Variants in NBAS observed in about 807,000 individuals in gnomAD.
NBAS encodes NBAS subunit of NRZ tethering complex.
A neutral mutation model predicts 302.5 loss-of-function variants in NBAS; 219 were observed. The observed-to-expected ratio is 0.72, with a 90% CI of 0.65 to 0.81. The LOEUF is 0.81. Ranked by LOEUF, NBAS falls within the 30% of genes least tolerant of loss-of-function variation. NBAS has a pLI of 0.00. For synonymous variants in NBAS, 1,118 were observed against 1,021.6 expected, an observed-to-expected ratio of 1.09 and a Z score of -1.80; for missense variants, 2,932 against 2,841.6, an observed-to-expected ratio of 1.03 and a Z score of -0.72.
chr2:15,557,028 G>C lies in NBAS; in HGVS notation c.173-209C>G, dbSNP rs143993755. Among the ~76,000 whole-genome samples the C allele has an allele frequency of 3.1e-3, 469 of 152,040 alleles. 4 individuals are homozygous for C. Among genetic ancestry groups the C allele is most frequent in the African/African-American group, 0.011 (442 of 41,486 alleles). On this transcript the variant is annotated intron_variant, in intron 2 of 51. Coordinates refer to ENST00000281513, the MANE Select transcript of NBAS (RefSeq NM_015909.4). Reference sequence around the variant, plus strand: ...CATATACTTATTAAATTCCATGTTTGTGTGTTATTCAAAAGTTTCAAGTAT... The same window carrying C: ...CATATACTTATTAAATTCCATGTTTCTGTGTTATTCAAAAGTTTCAAGTAT...
chr2:15,086,423 C>T, the NBAS span, among the ~76,000 whole-genome samples: 1 of 152,174 alleles, frequency 6.6e-6, no homozygotes, highest in Non-Finnish European at 1.5e-5. Context: ...TCTTCCTGGT[C>T]GCAGGACAAG....
At position 15,166,959 on chromosome 2, in the gene NBAS, G is replaced by A. The variant is rs1385324207; in HGVS notation, c.*89C>T. ...ATTTGCAATTTGTTGGAACCATGGA[G>A]AACAATCGGCAGATACACATGTTGC... On this transcript the variant is annotated 3_prime_UTR_variant, in exon 52 of 52. Coordinates refer to ENST00000281513, the MANE Select transcript of NBAS (RefSeq NM_015909.4). 1.7e-5 allele frequency: 24 copies of A among 1,445,520 alleles called. No individual in the cohort carries two copies. Among genetic ancestry groups the A allele is most frequent in the South Asian group, 7.7e-5 (5 of 65,004 alleles). The allele number at this position is 1,445,520 out of a possible 1,614,324, so 89.5% of individuals were successfully genotyped here. A position where few individuals can be genotyped will look rare whatever the true frequency, so the allele number is the denominator to read the frequency against.
At chr2:15,181,382 C>G (rs1664810758) in intron 50 of NBAS, among the ~76,000 whole-genome samples, 3 of 152,312 alleles carry the variant, frequency 2.0e-5, no homozygotes, top group Non-Finnish European at 2.9e-5. Flanking sequence ...GAGCCACTGA[C>G]TACTTTTCAT....
chr2:15,366,263 C>T (rs1674191913), intron 32 of NBAS, among the ~76,000 whole-genome samples: 2 of 152,162 alleles, frequency 1.3e-5, no homozygotes, highest in African/African-American at 4.8e-5. Flanking sequence ...ACTACACAAC[C>T]ATTTTGAGGC....
chr2:15,167,513 C>T (rs961092417), intron 51 of NBAS, among the ~76,000 whole-genome samples, 190 bp from the exon 52 acceptor site: 2 of 152,160 alleles, frequency 1.3e-5, no homozygotes, highest in African/African-American at 4.8e-5. Context: ...CTCCTCTTAA[C>T]ATAAGAAGAC....
chr2:15,287,600 T>C (rs974760670), intron 41 of NBAS, among the ~76,000 whole-genome samples: 1 of 152,072 alleles, frequency 6.6e-6, no homozygotes, highest in Non-Finnish European at 1.5e-5. Flanking sequence ...TGCGTGGGCA[T>C]CTCCCAGTAG....
chr2:15,126,735 G>C, the NBAS span, among the ~76,000 whole-genome samples: 1 of 152,302 alleles, frequency 6.6e-6, no homozygotes, highest in African/African-American at 2.4e-5. Context: ...AGGAGGGACA[G>C]GTGGCCATGG....
At chr2:14,807,145 G>GC in the NBAS span, among the ~76,000 whole-genome samples, 1 of 152,076 alleles carries the variant, frequency 6.6e-6, no homozygotes, top group African/African-American at 2.4e-5. Context: ...AATATCAGGG[G>GC]GGGGTTCACA....
intron 5 of NBAS, among the ~76,000 whole-genome samples, chr2:15,552,595 T>C (rs1041692976): frequency 2.6e-5 from 4 of 152,190 alleles, no homozygotes; most frequent in Non-Finnish European, 5.9e-5. Context: ...TTGCTATTTC[T>C]TTCATAACTG....
At chr2:15,149,974 C>T in the NBAS span, among the ~76,000 whole-genome samples, 1 of 150,900 alleles carries the variant, frequency 6.6e-6, no homozygotes, top group Admixed American at 6.6e-5. Flanking sequence ...CTTTGAGAGG[C>T]CAAGGTGGGA....
At chr2:14,979,828 T>G in the NBAS span, among the ~76,000 whole-genome samples, 9 of 152,142 alleles carry the variant, frequency 5.9e-5, no homozygotes, top group South Asian at 2.1e-4. Flanking sequence ...TCCTGGTTAG[T>G]GCGTTAGGAA....
At chr2:15,388,968 G>A (rs1023079006) in intron 28 of NBAS, among the ~76,000 whole-genome samples, 1 of 151,936 alleles carries the variant, frequency 6.6e-6, no homozygotes, top group African/African-American at 2.4e-5. Flanking sequence ...TTTGAAGGGG[G>A]GTAACTTATA....
intron 44 of NBAS, among the ~76,000 whole-genome samples, chr2:15,245,533 ATTGT>A (rs1668053798): frequency 6.6e-6 from 1 of 151,920 alleles, no homozygotes; most frequent in Admixed American, 6.6e-5. Flanking sequence ...TCTATTGCTT[ATTGT>A]TTGTCACTGC....
intron 31 of NBAS, among the ~76,000 whole-genome samples, chr2:15,371,185 C>T (rs1455045669): frequency 5.3e-5 from 8 of 152,134 alleles, no homozygotes; most frequent in African/African-American, 9.7e-5. Flanking sequence ...TTCTCTTTCC[C>T]GCCAACAGAT....
At chr2:15,421,477 C>G (rs549040558) in intron 23 of NBAS, among the ~76,000 whole-genome samples, 2 of 152,290 alleles carry the variant, frequency 1.3e-5, no homozygotes, top group African/African-American at 4.8e-5. Flanking sequence ...CCTAAACCAA[C>G]AAACAAGTTT....
At chr2:14,813,079 G>T in the NBAS span, among the ~76,000 whole-genome samples, 367 of 152,284 alleles carry the variant, frequency 2.4e-3, no homozygotes, top group African/African-American at 8.1e-3. Flanking sequence ...CAGTCCTGCT[G>T]CCTGTACAGA....
the NBAS span, among the ~76,000 whole-genome samples, chr2:14,994,380 C>G: frequency 1.3e-5 from 2 of 152,196 alleles, no homozygotes. Flanking sequence ...CTGCTAGCAT[C>G]CAGTCTTGCT....
the NBAS span, among the ~76,000 whole-genome samples, chr2:15,034,252 G>GAAAGAAAGAAAGAAAGAAAGAAA: frequency 1.1e-5 from 1 of 94,352 alleles, no homozygotes; most frequent in East Asian, 2.5e-4. Context: ...AAGAAAGAAA[G>GAAAGAAAGAAAGAAAGAAAGAAA]AAAGAAAGAA....
chr2:14,806,467 G>A, the NBAS span, among the ~76,000 whole-genome samples: 1 of 152,080 alleles, frequency 6.6e-6, no homozygotes, highest in Admixed American at 6.6e-5. Flanking sequence ...TTATTATTGT[G>A]ATAAGCTTAG....
Sources: gnomAD v4.1 joint callset for allele counts (sites outside exome capture counted in the v4.1 genomes callset) on GRCh38, gnomAD v4.1.1 for gene constraint, MANE v1.5 for transcripts, NCBI Gene and HGNC (gene_info 2026-07-23, HGNC 2026-07-21) for gene names.